Variants in NKAIN1 observed in about 807,000 individuals in gnomAD.
The protein encoded by NKAIN1 is sodium/potassium-transporting ATPase subunit beta-1-interacting protein 1.
In NKAIN1, 13 loss-of-function variants were observed where a neutral mutation model predicts 31.6. The observed-to-expected ratio is 0.41, with a 90% CI of 0.27 to 0.65. The LOEUF (loss-of-function observed/expected upper bound fraction) is 0.65. Ranked by LOEUF, NKAIN1 falls within the 30% of genes least tolerant of loss-of-function variation. The pLI, the probability that NKAIN1 is intolerant of heterozygous loss-of-function variation, is 0.30. For synonymous variants in NKAIN1, 104 were observed against 109.0 expected (o/e 0.95, Z 0.28); for missense variants, 193 against 262.2 (o/e 0.74, Z 1.82).
At position 31,183,883 on chromosome 1, in the gene NKAIN1, G is replaced by A; in HGVS notation, c.405C>T (p.Val135=). The change falls in exon 4 of 7, where the codon GTC becomes GTT. Residue 135 remains valine, a synonymous_variant. Coordinates refer to ENST00000373736, the MANE Select transcript of NKAIN1 (RefSeq NM_024522.3). Reference sequence around the variant, plus strand: ...AGGGGTAGTCAAGCAGGCAGCCAGTGACAGAGATGACATGGTGGTCCTCCA... The same window carrying A: ...AGGGGTAGTCAAGCAGGCAGCCAGTAACAGAGATGACATGGTGGTCCTCCA... ...LALEDHHVIS[V]TGCLLDYPYI... 3 of 1,614,154 alleles carry A rather than the reference G, an allele frequency of 1.9e-6. No individual in the cohort carries two copies. The highest frequency in any genetic ancestry group is 2.5e-6 in the Non-Finnish European group (3 of 1,180,034).
intron 1 of NKAIN1, among the ~76,000 whole-genome samples, chr1:31,210,496 C>T (rs1213194827): frequency 6.6e-6 from 1 of 152,098 alleles, no homozygotes; most frequent in African/African-American, 2.4e-5. Flanking sequence ...ACCACGTTGG[C>T]CAGGCTAGTC....
At chr1:31,211,420 G>T (rs1433776365) in intron 1 of NKAIN1, among the ~76,000 whole-genome samples, 2 of 152,088 alleles carry the variant, frequency 1.3e-5, no homozygotes, top group Admixed American at 6.6e-5. Flanking sequence ...GCATCAAAAA[G>T]AAGAAAATGC....
chr1:31,199,588 C>T (rs1004792761), intron 1 of NKAIN1, among the ~76,000 whole-genome samples: 2 of 152,118 alleles, frequency 1.3e-5, no homozygotes, highest in Non-Finnish European at 2.9e-5. Context: ...AAACTGACAG[C>T]AGAGGGGGCA....
chr1:31,183,693 C>A, intron 4 of NKAIN1, 124 bp downstream of exon 4: 2 of 1,001,474 alleles, frequency 2.0e-6, no homozygotes, highest in Non-Finnish European at 3.0e-6. Context: ...GGTGATCCAC[C>A]AGCCATGGCC....
intron 1 of NKAIN1, among the ~76,000 whole-genome samples, chr1:31,221,475 C>T (rs983283596): frequency 1.8e-4 from 27 of 152,118 alleles, no homozygotes; most frequent in African/African-American, 6.5e-4. Context: ...CTTGCTCTGT[C>T]GCCAGGCTGG....
At chr1:31,187,493 G>A (rs1039001739) in intron 2 of NKAIN1, among the ~76,000 whole-genome samples, 1 of 152,144 alleles carries the variant, frequency 6.6e-6, no homozygotes, top group South Asian at 2.1e-4. Context: ...GGGCAAGAGA[G>A]ACAAATGCCA....
At position 31,181,950 on chromosome 1, in the gene NKAIN1, G is replaced by C; in HGVS notation, c.533-9C>G. 6.2e-7 allele frequency: 1 copy of C among 1,602,938 alleles called. No individual in the cohort carries two copies. Among genetic ancestry groups the C allele is most frequent in the African/African-American group, 1.3e-5 (1 of 74,992 alleles). The stretch of plus-strand genomic sequence containing the variant: ...GCCGCCGATGAAGTCAACTGCGGAA[G>C]AGGGGCGGCGCATGTTAGGGATCGG... On this transcript the variant is annotated splice_polypyrimidine_tract_variant and intron_variant, in intron 5 of 6. Coordinates refer to ENST00000373736, the MANE Select transcript of NKAIN1 (RefSeq NM_024522.3).
At chr1:31,229,990 C>T (rs755400339) in intron 1 of NKAIN1, among the ~76,000 whole-genome samples, 2 of 152,126 alleles carry the variant, frequency 1.3e-5, no homozygotes, top group Non-Finnish European at 2.9e-5. Context: ...TCAGGTTGCC[C>T]TCATTATAGT....
rs1172761536 is a variant in NKAIN1 at position 31,182,463 on chromosome 1, G to T, written c.532+67C>A. The T allele has an allele frequency of 5.1e-6, 8 of 1,572,800 alleles. No individual in the cohort carries two copies. In the African/African-American group the frequency reaches 1.1e-4, roughly 21 times the overall value. ...CTCCCTCCCGCCGGGGCCAGTCACA[G>T]GCCTCTGTCCAGGGTGCTGAAGGCG... On this transcript the variant is annotated intron_variant, in intron 5 of 6. Coordinates refer to ENST00000373736, the MANE Select transcript of NKAIN1 (RefSeq NM_024522.3).
At chr1:31,220,926 A>G (rs920053501) in intron 1 of NKAIN1, among the ~76,000 whole-genome samples, 3 of 152,154 alleles carry the variant, frequency 2.0e-5, no homozygotes, top group African/African-American at 7.2e-5. Context: ...GTCCACACTC[A>G]GTGGACACTT....
intron 5 of NKAIN1, 101 bp downstream of exon 5, chr1:31,182,429 G>T: frequency 1.5e-6 from 2 of 1,358,096 alleles, no homozygotes; most frequent in Middle Eastern, 1.9e-4. Context: ...GCCCGTGGCC[G>T]ACCCTGGGCT....
intron 1 of NKAIN1, among the ~76,000 whole-genome samples, chr1:31,204,786 A>T (rs12070271): frequency 0.036 from 5,468 of 152,266 alleles, 292 homozygotes; most frequent in African/African-American, 0.12. Context: ...AGGTAGAGAG[A>T]ATTAATTAAG....
chr1:31,212,418 TTTA>T (rs1645477219), intron 1 of NKAIN1, among the ~76,000 whole-genome samples: 1 of 99,278 alleles, frequency 1.0e-5, no homozygotes. Flanking sequence ...TTTTTTTTTT[TTTA>T]GGAGACAAGG....
At chr1:31,232,373 G>C (rs1211544430) in intron 1 of NKAIN1, among the ~76,000 whole-genome samples, 1 of 126,178 alleles carries the variant, frequency 7.9e-6, no homozygotes, top group Non-Finnish European at 1.7e-5. Context: ...TTACAGGCAT[G>C]AGCCACCGTG....
At position 31,233,408 on chromosome 1, in the gene NKAIN1, C is replaced by T. The variant is rs181491077; in HGVS notation, c.54+6086G>A. 3.9e-5 allele frequency among the ~76,000 whole-genome samples: 6 copies of T among 152,282 alleles called. No homozygotes were observed. Among genetic ancestry groups the T allele is most frequent in the Admixed American group, 3.3e-4 (5 of 15,300 alleles). ...CACCTGCTTCCACTCCAGCGTCCCA[C>T]AATACTAGCAGGGGGCAATGGGGCA... is the stretch of plus-strand genomic sequence containing the variant. On this transcript the variant is annotated intron_variant, in intron 1 of 6. Coordinates refer to ENST00000373736, the MANE Select transcript of NKAIN1 (RefSeq NM_024522.3). The surrounding 1 kb of genome is among the most constrained non-coding windows in gnomAD (Gnocchi z 4.0).
chr1:31,225,224 C>T (rs1474119627), intron 1 of NKAIN1, among the ~76,000 whole-genome samples: 1 of 149,962 alleles, frequency 6.7e-6, no homozygotes, highest in Non-Finnish European at 1.5e-5. Context: ...GATGGGGTTT[C>T]ACCATGTTGG....
Position 31,219,881 on chromosome 1 carries a change from A to G in NKAIN1, c.54+19613T>C, listed in dbSNP as rs76960644. 7.9e-3 allele frequency among the ~76,000 whole-genome samples: 1,197 copies of G among 152,288 alleles called. 12 individuals are homozygous for G. The highest frequency in any genetic ancestry group is 0.027 in the African/African-American group (1,134 of 41,560). On this transcript the variant is annotated intron_variant, in intron 1 of 6. Coordinates refer to ENST00000373736, the MANE Select transcript of NKAIN1 (RefSeq NM_024522.3). ...AAAACAGGGATGACAGTTTCTGCCTAGCAGAGTTGTATGAAGGAGCAAATG... is the reference window on the plus strand; with the variant it reads ...AAAACAGGGATGACAGTTTCTGCCTGGCAGAGTTGTATGAAGGAGCAAATG...
chr1:31,207,976 G>C (rs140838213), intron 1 of NKAIN1, among the ~76,000 whole-genome samples: 1 of 152,184 alleles, frequency 6.6e-6, no homozygotes, highest in African/African-American at 2.4e-5. Context: ...GAGCCTGTCT[G>C]CCACCACCCC....
intron 1 of NKAIN1, among the ~76,000 whole-genome samples, chr1:31,200,964 C>G (rs565610121): frequency 6.6e-6 from 1 of 152,168 alleles, no homozygotes; most frequent in South Asian, 2.1e-4. Flanking sequence ...TCCTGAGTAG[C>G]TGGGATTACA....
Sources: allele counts gnomAD v4.1 joint callset (sites outside exome capture counted in the v4.1 genomes callset), GRCh38; gene constraint gnomAD v4.1.1; non-coding constraint Gnocchi (gnomAD v3.1); transcripts MANE v1.5; gene names NCBI Gene and HGNC (gene_info 2026-07-23, HGNC 2026-07-21).